RBFOX1: variants seen among roughly 807,000 people sequenced by gnomAD.
RBFOX1 encodes RNA binding protein fox-1 homolog 1.
RBFOX1 carries 8 observed loss-of-function variants against 57.7 expected under a neutral mutation model. The ratio of observed to expected loss-of-function variants is 0.14; its 90% CI spans 0.08 to 0.25. RBFOX1 has a LOEUF of 0.25. RBFOX1 is among the 10% of genes least tolerant of loss of function. The pLI is 1.00. For synonymous variants in RBFOX1, 326 were observed against 222.4 expected (o/e 1.47, Z -4.15); for missense variants, 611 against 548.5 (o/e 1.11, Z -1.14).
intron 3 of RBFOX1, among the ~76,000 whole-genome samples, chr16:7,006,760 A>C (rs769233235): frequency 1.3e-5 from 2 of 152,152 alleles, no homozygotes; most frequent in African/African-American, 2.4e-5. Flanking sequence ...TAATTTGATT[A>C]AGAAAAAGTA....
rs192946668 is a variant in RBFOX1, at chr16:7,065,827, G to A, written c.27+13729G>A. Among the ~76,000 whole-genome samples, 186 of 152,168 alleles carry A rather than the reference G, an allele frequency of 1.2e-3. 2 individuals carry two copies. The highest frequency in any genetic ancestry group is 4.4e-3 in the South Asian group (21 of 4,824). Reference sequence around the variant, plus strand: ...AAATCCTCCAGCCTCCAAGCCTCTGGTAATCACCATTCTACTCTTGCTTTT... The same window carrying A: ...AAATCCTCCAGCCTCCAAGCCTCTGATAATCACCATTCTACTCTTGCTTTT... On this transcript the variant is annotated intron_variant, in intron 4 of 15. Coordinates refer to ENST00000550418, the MANE Select transcript of RBFOX1 (RefSeq NM_018723.4).
intron 3 of RBFOX1, among the ~76,000 whole-genome samples, chr16:6,760,862 G>A (rs1355881533): frequency 7.2e-5 from 11 of 152,142 alleles, no homozygotes; most frequent in Non-Finnish European, 1.5e-4. Context: ...GCTGCCTCTG[G>A]TCAATGCCAC....
rs553280376 is a variant in RBFOX1 at position 6,095,787 on chromosome 16, C to A, written c.-127+75795C>A. ...TAATTCAGAGGGGCAGGCTAATGAC[C>A]CACCTGAGTCTGGGATCGTTACCAA... is the stretch of plus-strand genomic sequence containing the variant. On this transcript the variant is annotated intron_variant, in intron 1 of 15. Transcript: ENST00000550418. 2.1e-4 allele frequency among the ~76,000 whole-genome samples: 32 copies of A among 152,158 alleles called. No individual in the cohort carries two copies. The South Asian group carries it at 5.8e-3, about 28-fold the overall frequency.
At chr16:6,724,752 G>C (rs2066789331) in intron 3 of RBFOX1, among the ~76,000 whole-genome samples, 1 of 151,892 alleles carries the variant, frequency 6.6e-6, no homozygotes, top group Admixed American at 6.6e-5. Context: ...TTTATTCTAA[G>C]TTCTGGGGTA....
At chr16:6,371,472 T>G (rs917640298) in intron 2 of RBFOX1, among the ~76,000 whole-genome samples, 56 of 152,350 alleles carry the variant, frequency 3.7e-4, no homozygotes, top group East Asian at 3.9e-4. Context: ...TCAAGTTGTA[T>G]CATATGTATT....
At chr16:5,895,567 G>T (rs1316703301) in intron 4 of RBFOX1, among the ~76,000 whole-genome samples, 1 of 152,148 alleles carries the variant, frequency 6.6e-6, no homozygotes, top group East Asian at 1.9e-4. Context: ...GCTGGAGAAG[G>T]GTCTGATGTG....
intron 2 of RBFOX1, among the ~76,000 whole-genome samples, chr16:5,480,477 C>G (rs952993236): frequency 6.6e-6 from 1 of 152,056 alleles, no homozygotes; most frequent in Admixed American, 6.5e-5. Flanking sequence ...AACTCACTAC[C>G]ATAATAAACC....
intron 4 of RBFOX1, chr16:7,332,875 C>T (rs2096717140): frequency 1.9e-6 from 3 of 1,539,770 alleles, no homozygotes; most frequent in South Asian, 2.5e-5. Flanking sequence ...TTGATGAGTG[C>T]TTGGCTCCTG....
intron 2 of RBFOX1, among the ~76,000 whole-genome samples, chr16:6,511,963 C>G (rs184972247): frequency 6.6e-6 from 1 of 152,114 alleles, no homozygotes; most frequent in African/African-American, 2.4e-5. Flanking sequence ...TTCCCTGAGA[C>G]TTACCCCTAC....
intron 4 of RBFOX1, among the ~76,000 whole-genome samples, chr16:7,058,755 T>C (rs557446708): frequency 6.6e-6 from 1 of 152,354 alleles, no homozygotes; most frequent in Non-Finnish European, 1.5e-5. Flanking sequence ...CTGTTGATAT[T>C]GGTTTTTCAT....
chr16:6,807,779 G>A (rs1454008760), intron 3 of RBFOX1, among the ~76,000 whole-genome samples: 1 of 151,920 alleles, frequency 6.6e-6, no homozygotes, highest in Non-Finnish European at 1.5e-5. Flanking sequence ...TTGTGTCACT[G>A]TACTCCAGCC....
chr16:7,370,192 C>G (rs1036601816), intron 4 of RBFOX1, among the ~76,000 whole-genome samples: 1 of 152,172 alleles, frequency 6.6e-6, no homozygotes, highest in Non-Finnish European at 1.5e-5. Context: ...TTATGACAAC[C>G]AAACATTGCC....
intron 2 of RBFOX1, chr16:6,483,813 GC>G: frequency 1.5e-6 from 2 of 1,359,796 alleles, no homozygotes; most frequent in South Asian, 3.3e-5. Context: ...CGCCTCCGGG[GC>G]TGCTGATTAG....
chr16:6,568,035 T>C (rs190374048), intron 2 of RBFOX1, among the ~76,000 whole-genome samples: 13 of 152,310 alleles, frequency 8.5e-5, no homozygotes, highest in South Asian at 4.1e-4. Context: ...TTGAACAGGC[T>C]GGCCTTGAAC....
chr16:7,021,082 C>A (rs533599335), intron 3 of RBFOX1, among the ~76,000 whole-genome samples: 1 of 152,060 alleles, frequency 6.6e-6, no homozygotes, highest in Non-Finnish European at 1.5e-5. Flanking sequence ...GAGCCCAGGT[C>A]GTGCTACTGC....
At chr16:6,515,938 G>T (rs2096368563) in intron 2 of RBFOX1, among the ~76,000 whole-genome samples, 1 of 152,106 alleles carries the variant, frequency 6.6e-6, no homozygotes, top group Non-Finnish European at 1.5e-5. Context: ...TGTGAAACCT[G>T]TATTTTTTTA....
At chr16:5,489,659 G>C (rs558449197) in intron 2 of RBFOX1, among the ~76,000 whole-genome samples, 2 of 152,298 alleles carry the variant, frequency 1.3e-5, no homozygotes, top group South Asian at 2.1e-4. Context: ...CAGGAGTTCA[G>C]AGCCACCCAG....
At chr16:5,877,367 C>G (rs904643627) in intron 4 of RBFOX1, among the ~76,000 whole-genome samples, 2 of 152,226 alleles carry the variant, frequency 1.3e-5, no homozygotes, top group African/African-American at 2.4e-5. Flanking sequence ...TGAAAATACA[C>G]TGATGGATGA....
chr16:5,865,939 AAAGT>A (rs1330476799), intron 3 of RBFOX1, among the ~76,000 whole-genome samples: 7 of 152,110 alleles, frequency 4.6e-5, no homozygotes, highest in Middle Eastern at 3.4e-3. Context: ...AGAGAGAAAG[AAAGT>A]AAGTTCTCTG....
Sources: gnomAD v4.1 joint callset for allele counts (sites outside exome capture counted in the v4.1 genomes callset) on GRCh38, gnomAD v4.1.1 for gene constraint, MANE v1.5 for transcripts, NCBI Gene and HGNC (gene_info 2026-07-23, HGNC 2026-07-21) for gene names.